CECR2: variants seen among roughly 807,000 people sequenced by gnomAD.
CECR2 encodes CECR2 histone acetyl-lysine reader.
CECR2 carries 30 observed loss-of-function variants against 154.5 expected under a neutral mutation model. The observed-to-expected ratio is 0.19, with a 90% CI of 0.15 to 0.26. CECR2 has a LOEUF of 0.26. CECR2 is among the 10% of genes least tolerant of loss of function. The pLI is 1.00. For missense variants in CECR2, 1,743 were observed against 1,829.3 expected, an observed-to-expected ratio of 0.95 and a Z score of 0.86; for synonymous variants, 725 against 683.7, an observed-to-expected ratio of 1.06 and a Z score of -0.94.
At chr22:17,406,449 G>C (rs1345311645) in intron 1 of CECR2, among the ~76,000 whole-genome samples, 1 of 152,204 alleles carries the variant, frequency 6.6e-6, no homozygotes, top group African/African-American at 2.4e-5. Context: ...CTTGAACCCA[G>C]GAGGCGGAGG....
At chr22:17,509,950 G>C (rs2055912753) in intron 7 of CECR2, among the ~76,000 whole-genome samples, 1 of 152,174 alleles carries the variant, frequency 6.6e-6, no homozygotes, top group Admixed American at 6.5e-5. Flanking sequence ...AAGTCCTGCT[G>C]TGATGGCCAT....
At chr22:17,442,819 T>A (rs910364108) in intron 1 of CECR2, among the ~76,000 whole-genome samples, 8 of 152,146 alleles carry the variant, frequency 5.3e-5, no homozygotes, top group African/African-American at 1.7e-4. Flanking sequence ...AGTGCTGGGA[T>A]TACAGGAGTG....
chr22:17,547,295 T>C (rs1369258876), intron 16 of CECR2, among the ~76,000 whole-genome samples: 1 of 151,510 alleles, frequency 6.6e-6, no homozygotes, highest in East Asian at 2.0e-4. Context: ...AGTGGCACAA[T>C]CTTGGCTCAC....
At chr22:17,448,301 G>C (rs28531747) in intron 1 of CECR2, among the ~76,000 whole-genome samples, 2,760 of 152,236 alleles carry the variant, frequency 0.018, 72 homozygotes, top group African/African-American at 0.063. Flanking sequence ...AATCAGGGCA[G>C]ATTAGTTGAT....
chr22:17,452,024 G>A (rs61694744), intron 1 of CECR2, among the ~76,000 whole-genome samples: 2,198 of 152,274 alleles, frequency 0.014, 51 homozygotes, highest in African/African-American at 0.05. Flanking sequence ...GTTGTGGGAC[G>A]TCAGATCGCT....
At chr22:17,534,269 T>G (rs2056403305) in intron 9 of CECR2, among the ~76,000 whole-genome samples, 1 of 152,200 alleles carries the variant, frequency 6.6e-6, no homozygotes, top group South Asian at 2.1e-4. Flanking sequence ...AAGGTTGCAG[T>G]GACCTATGAT....
chr22:17,431,454 A>G (rs1026777206), intron 1 of CECR2, among the ~76,000 whole-genome samples: 7 of 152,236 alleles, frequency 4.6e-5, no homozygotes, highest in Admixed American at 3.9e-4. Context: ...TTTATGGTCT[A>G]GAACACTCTT....
chr22:17,410,326 G>A (rs112204797), intron 1 of CECR2, among the ~76,000 whole-genome samples: 2,214 of 152,260 alleles, frequency 0.015, 56 homozygotes, highest in African/African-American at 0.048. Flanking sequence ...ACTGACAGTA[G>A]ATTTGTTTAT....
At chr22:17,478,524 T>TTTTTGTA (rs2055249714) in intron 2 of CECR2, among the ~76,000 whole-genome samples, 1 of 151,756 alleles carries the variant, frequency 6.6e-6, no homozygotes, top group South Asian at 2.1e-4. Context: ...CCCGGCTAAT[T>TTTTTGTA]TTTTGTATTT....
intron 1 of CECR2, among the ~76,000 whole-genome samples, chr22:17,380,436 G>A (rs956939688): frequency 2.0e-5 from 3 of 152,166 alleles, no homozygotes; most frequent in African/African-American, 2.4e-5. Flanking sequence ...TGTCATATGC[G>A]TATAAGTTTC....
chr22:17,494,259 G>C lies in CECR2; in HGVS notation c.222-3144G>C, dbSNP rs2055581667. Among the ~76,000 whole-genome samples, 4 of 152,232 alleles carry C rather than the reference G, an allele frequency of 2.6e-5. No homozygotes were observed. In the South Asian group the frequency reaches 8.3e-4, roughly 32 times the overall value. On this transcript the variant is annotated intron_variant, in intron 2 of 18. Transcript: ENST00000262608. Reference sequence around the variant, plus strand: ...TTACAGGCATATGCCACCACAACCGGCTAATTTTGTATTTACTTTAGTAGA... The same window carrying C: ...TTACAGGCATATGCCACCACAACCGCCTAATTTTGTATTTACTTTAGTAGA...
intron 1 of CECR2, among the ~76,000 whole-genome samples, chr22:17,375,075 C>T (rs1320261026): frequency 3.3e-5 from 5 of 151,996 alleles, no homozygotes; most frequent in Non-Finnish European, 7.4e-5. Context: ...GAACTAAGTG[C>T]AAAGGGACAA....
chr22:17,455,017 A>C (rs1287578718), intron 1 of CECR2, among the ~76,000 whole-genome samples: 1 of 152,210 alleles, frequency 6.6e-6, no homozygotes, highest in Non-Finnish European at 1.5e-5. Flanking sequence ...TGGCTGGAAC[A>C]GGACCTCACA....
intron 1 of CECR2, among the ~76,000 whole-genome samples, chr22:17,402,145 A>G (rs1031543665): frequency 1.3e-5 from 2 of 151,986 alleles, no homozygotes; most frequent in African/African-American, 2.4e-5. Flanking sequence ...CACCATGCCC[A>G]GCTAATTTCT....
intron 1 of CECR2, among the ~76,000 whole-genome samples, chr22:17,424,025 A>T (rs779232342): frequency 1.3e-5 from 2 of 152,172 alleles, no homozygotes; most frequent in Non-Finnish European, 2.9e-5. Flanking sequence ...TGCATCTTCT[A>T]TTCAGAGCCT....
At chr22:17,393,395 ATAATT>A (rs1295254683) in intron 1 of CECR2, among the ~76,000 whole-genome samples, 2 of 152,300 alleles carry the variant, frequency 1.3e-5, no homozygotes, top group East Asian at 1.9e-4. Context: ...ATTGTATATA[ATAATT>A]TTTATTTTAT....
intron 1 of CECR2, among the ~76,000 whole-genome samples, chr22:17,426,331 A>G (rs1277711919): frequency 1.3e-5 from 2 of 151,968 alleles, no homozygotes; most frequent in East Asian, 3.9e-4. Context: ...TAAAGTCCAT[A>G]TGTTGTAAAT....
intron 16 of CECR2, among the ~76,000 whole-genome samples, chr22:17,547,018 A>G (rs1352352113): frequency 7.1e-6 from 1 of 140,368 alleles, no homozygotes; most frequent in Non-Finnish European, 1.5e-5. Context: ...CAGCCTGGGC[A>G]TCAGAGTGAG....
chr22:17,539,125 C>G lies in CECR2; in HGVS notation c.1495+6C>G, dbSNP rs374316521. 8.7e-6 allele frequency: 14 copies of G among 1,612,176 alleles called. No individual in the cohort carries two copies. The highest frequency in any genetic ancestry group is 1.2e-5 in the Non-Finnish European group (14 of 1,179,686). On this transcript the variant is annotated splice_donor_region_variant and intron_variant, in intron 13 of 18. Transcript: ENST00000262608. ...GTATAATGGGGAAAGTAGTGGTAAG[C>G]AGGGAAGGAGTTTGTGCTAGATACA...
Sources: allele counts gnomAD v4.1 joint callset (sites outside exome capture counted in the v4.1 genomes callset), GRCh38; gene constraint gnomAD v4.1.1; transcripts MANE v1.5; gene names NCBI Gene and HGNC (gene_info 2026-07-23, HGNC 2026-07-21).